Variants in MBP observed in about 807,000 individuals in gnomAD.
MBP encodes myelin basic protein, also known as Golli-MBP.
Under a neutral mutation model 35.8 loss-of-function variants are expected in MBP, and 16 were observed. The ratio of observed to expected loss-of-function variants is 0.45; its 90% CI spans 0.30 to 0.68. The LOEUF (loss-of-function observed/expected upper bound fraction) is 0.68. Ranked by LOEUF, MBP falls within the 30% of genes least tolerant of loss-of-function variation. MBP has a pLI of 0.08. For missense variants in MBP, 380 were observed against 404.7 expected (o/e 0.94, Z 0.52); for synonymous variants, 143 against 159.6 (o/e 0.90, Z 0.78).
At chr18:77,089,325 G>A (rs973982208) in intron 2 of MBP, among the ~76,000 whole-genome samples, 1 of 152,244 alleles carries the variant, frequency 6.6e-6, no homozygotes, top group Non-Finnish European at 1.5e-5. Context: ...TGGCCCCAGG[G>A]CAGGAATTCC....
intron 2 of MBP, among the ~76,000 whole-genome samples, chr18:77,076,495 C>T (rs190114183): frequency 2.6e-5 from 4 of 152,320 alleles, no homozygotes; most frequent in South Asian, 2.1e-4. Flanking sequence ...AGCATCGAGG[C>T]GGCACCGTCG....
At position 77,124,432 on chromosome 18, in the gene MBP, C is replaced by T. The variant is rs192835830; in HGVS notation, c.-26+8148G>A. ...GCTAGAATAACTCTTCTGGCCACCA[C>T]GCCTCCCACCCCCCACCCCGTGCTG... On this transcript the variant is annotated intron_variant, in intron 1 of 8. Coordinates refer to ENST00000355994, the MANE Select transcript of MBP (RefSeq NM_001025101.2). Among the ~76,000 whole-genome samples, 377 of 152,118 alleles carry T rather than the reference C, an allele frequency of 2.5e-3. 2 individuals are homozygous for T. Among genetic ancestry groups the T allele is most frequent in the African/African-American group, 8.5e-3 (352 of 41,486 alleles).
chr18:76,998,289 A>G (rs1164558698), intron 4 of MBP, among the ~76,000 whole-genome samples: 1 of 151,990 alleles, frequency 6.6e-6, no homozygotes, highest in African/African-American at 2.4e-5. Flanking sequence ...TGGTGCACTT[A>G]CCGCAGTGCC....
In MBP at chr18:77,102,529, A is replaced by G. The variant is rs1175052860; in HGVS notation, c.51+2682T>C. On this transcript the variant is annotated intron_variant, in intron 2 of 8. Transcript: ENST00000355994. This position sits in a 1 kb window ranked among gnomAD's most constrained non-coding sequence, Gnocchi z 4.4. Reference sequence around the variant, plus strand: ...AAGCTCTTACTTCTTAAAACTACCTACAGGAACCATAGTTTTAACATTTCC... The same window carrying G: ...AAGCTCTTACTTCTTAAAACTACCTGCAGGAACCATAGTTTTAACATTTCC... Among the ~76,000 whole-genome samples, 3 of 152,238 alleles carry G rather than the reference A, an allele frequency of 2.0e-5. No individual in the cohort carries two copies. Among genetic ancestry groups the G allele is most frequent in the African/African-American group, 7.2e-5 (3 of 41,466 alleles).
At chr18:77,078,839 T>C (rs1485577744) in intron 2 of MBP, among the ~76,000 whole-genome samples, 1 of 152,216 alleles carries the variant, frequency 6.6e-6, no homozygotes, top group Non-Finnish European at 1.5e-5. Context: ...CCCAATCCTG[T>C]GCTCTGGTCC....
intron 1 of MBP, among the ~76,000 whole-genome samples, chr18:77,123,069 T>G (rs1396985988): frequency 6.6e-6 from 1 of 152,252 alleles, no homozygotes; most frequent in Non-Finnish European, 1.5e-5. Flanking sequence ...TATTTTCTCT[T>G]AACATACCCT....
In MBP at chr18:76,989,038, C is replaced by G; in HGVS notation, c.682-126G>C. Reference sequence around the variant, plus strand: ...CTGCCAGAAGCACCCGGGTGCCCAGCCTCCCCACTTCTGTCCTAGTTGGTG... The same window carrying G: ...CTGCCAGAAGCACCCGGGTGCCCAGGCTCCCCACTTCTGTCCTAGTTGGTG... On this transcript the variant is annotated intron_variant, in intron 5 of 8. Transcript: ENST00000355994. This position sits in a 1 kb window ranked among gnomAD's most constrained non-coding sequence, Gnocchi z 4.0. The G allele has an allele frequency of 2.4e-6, 2 of 827,482 alleles. No individual in the cohort carries two copies. Among genetic ancestry groups the G allele is most frequent in the African/African-American group, 1.7e-5 (1 of 60,022 alleles). 51.3% of individuals were successfully genotyped at this position (827,482 alleles called of 1,614,324 possible). A position where few individuals can be genotyped will look rare whatever the true frequency, so the allele number is the denominator to read the frequency against.
intron 4 of MBP, among the ~76,000 whole-genome samples, chr18:76,994,012 G>A (rs925691163): frequency 2.6e-5 from 4 of 152,138 alleles, no homozygotes; most frequent in African/African-American, 4.8e-5. Context: ...ATATTTTATC[G>A]AATGCTTCTC....
chr18:77,007,421 A>C (rs1034982698), intron 4 of MBP, among the ~76,000 whole-genome samples: 3 of 152,058 alleles, frequency 2.0e-5, no homozygotes, highest in African/African-American at 7.2e-5. Flanking sequence ...CTCTGTGTGC[A>C]CCTCCTGCAG....
Position 76,993,652 on chromosome 18 carries a change from C to G in MBP, c.577-3592G>C, listed in dbSNP as rs551541262. On this transcript the variant is annotated intron_variant, in intron 4 of 8. Coordinates refer to ENST00000355994, the MANE Select transcript of MBP (RefSeq NM_001025101.2). ...AGTTGTTTTTCCTATTTTGTGCCCT[C>G]GTTGGTTAACGATTCTCATTCCTGA... is the stretch of plus-strand genomic sequence containing the variant. Among the ~76,000 whole-genome samples the G allele has an allele frequency of 3.3e-5, 5 of 152,228 alleles. No individual in the cohort carries two copies. In the South Asian group the frequency reaches 8.3e-4, roughly 25 times the overall value.
At chr18:77,077,076 A>C (rs761660694) in intron 2 of MBP, among the ~76,000 whole-genome samples, 2 of 152,126 alleles carry the variant, frequency 1.3e-5, no homozygotes, top group Non-Finnish European at 2.9e-5. Flanking sequence ...TTAAAATAAA[A>C]CAGGCCAGGT....
chr18:77,084,337 T>A (rs1384205995), intron 2 of MBP, among the ~76,000 whole-genome samples: 1 of 151,054 alleles, frequency 6.6e-6, no homozygotes, highest in East Asian at 2.0e-4. Context: ...CATGCATAAA[T>A]AAATGCCTGA....
At chr18:76,994,277 G>T (rs118138294) in intron 4 of MBP, among the ~76,000 whole-genome samples, 1 of 152,202 alleles carries the variant, frequency 6.6e-6, no homozygotes, top group Non-Finnish European at 1.5e-5. Context: ...TGTTTGGATA[G>T]CATTTCTCCA....
At chr18:76,990,157 ATT>A (rs35688328) in intron 4 of MBP, 97 bp from the exon 5 acceptor site, 2,250 of 598,936 alleles carry the variant, frequency 3.8e-3, no homozygotes, top group Non-Finnish European at 4.4e-3. Context: ...TGTAATCTGG[ATT>A]TTTTTTTTTT....
chr18:77,092,832 C>T (rs1287910791), intron 2 of MBP, among the ~76,000 whole-genome samples: 3 of 152,190 alleles, frequency 2.0e-5, no homozygotes, highest in Admixed American at 2.0e-4. Flanking sequence ...CTCCCCTGAC[C>T]CCCGTTACAG....
chr18:77,009,012 A>G (rs1277166800), intron 4 of MBP, among the ~76,000 whole-genome samples: 1 of 152,226 alleles, frequency 6.6e-6, no homozygotes, highest in East Asian at 1.9e-4. Flanking sequence ...CTATTTAGGT[A>G]CTTGAGCAGC....
At chr18:77,110,383 T>G (rs1278502179) in intron 1 of MBP, 1 of 152,162 alleles carries the variant, frequency 6.6e-6, no homozygotes, top group Non-Finnish European at 1.5e-5. Flanking sequence ...CTCTTTGCTT[T>G]CAGAAGCACT....
intron 7 of MBP, chr18:76,986,608 A>G (rs949456722): frequency 7.1e-6 from 7 of 985,464 alleles, no homozygotes; most frequent in Non-Finnish European, 8.4e-6. Context: ...ATGTGTGGCA[A>G]GAAGGTCTAA....
chr18:77,014,876 T>G (rs1243334286), intron 4 of MBP: 24 of 984,770 alleles, frequency 2.4e-5, no homozygotes, highest in Non-Finnish European at 2.9e-5. Flanking sequence ...CAACACTCCA[T>G]AGTGAAAAGA....
Sources: gnomAD v4.1 joint callset for allele counts (sites outside exome capture counted in the v4.1 genomes callset) on GRCh38, gnomAD v4.1.1 for gene constraint, Gnocchi (gnomAD v3.1) non-coding constraint, MANE v1.5 for transcripts, NCBI Gene and HGNC (gene_info 2026-07-23, HGNC 2026-07-21) for gene names.